RGS6: variants seen among roughly 807,000 people sequenced by gnomAD.
RGS6 encodes the protein regulator of G protein signaling 6, also known as regulator of G-protein signaling 6.
Under a neutral mutation model 78.5 loss-of-function variants are expected in RGS6, and 30 were observed. The ratio of observed to expected loss-of-function variants is 0.38; its 90% CI spans 0.29 to 0.52. The LOEUF (loss-of-function observed/expected upper bound fraction) is 0.52. Ranked by LOEUF, RGS6 falls within the 20% of genes least tolerant of loss-of-function variation. RGS6 has a pLI of 0.85. For missense variants in RGS6, 495 were observed against 609.7 expected (o/e 0.81, Z 1.98); for synonymous variants, 206 against 206.0 (o/e 1.00, Z 0.00).
At chr14:72,077,661 G>C (rs1398531432) in intron 2 of RGS6, among the ~76,000 whole-genome samples, 1 of 151,846 alleles carries the variant, frequency 6.6e-6, no homozygotes. Context: ...TTACTGTCTT[G>C]ACTACTGCAG....
chr14:72,459,546 G>T (rs762829607), intron 5 of RGS6, 86 bp from the exon 6 acceptor site: 2 of 1,237,624 alleles, frequency 1.6e-6, no homozygotes, highest in Non-Finnish European at 2.4e-6. Context: ...GGGAGAGCCT[G>T]CCATCAGGGA....
chr14:72,478,154 C>A, intron 11 of RGS6, 114 bp from the exon 12 acceptor site: 1 of 715,794 alleles, frequency 1.4e-6, no homozygotes, highest in South Asian at 1.7e-5. Context: ...TTGGAGATGT[C>A]TGGCCAGAGG....
intron 2 of RGS6, among the ~76,000 whole-genome samples, chr14:72,308,252 C>CTGTAG (rs1366165148): frequency 4.6e-5 from 7 of 152,186 alleles, no homozygotes; most frequent in Non-Finnish European, 8.8e-5. Context: ...AAAAATGCTT[C>CTGTAG]TGTAGTTCCC....
chr14:72,052,961 C>CTTTA (rs1409160249), intron 2 of RGS6, among the ~76,000 whole-genome samples: 1 of 42,622 alleles, frequency 2.3e-5, no homozygotes, highest in Admixed American at 2.8e-4. Context: ...TTCTTTCTTT[C>CTTTA]TTTCTTTCTT....
At chr14:72,160,024 A>G (rs1024799715) in intron 2 of RGS6, among the ~76,000 whole-genome samples, 18 of 152,230 alleles carry the variant, frequency 1.2e-4, no homozygotes, top group African/African-American at 3.9e-4. Context: ...TCTTTTACCG[A>G]TTAGATTGTG....
intron 2 of RGS6, among the ~76,000 whole-genome samples, chr14:72,271,727 T>C (rs1189596922): frequency 2.0e-5 from 3 of 152,234 alleles, no homozygotes; most frequent in Non-Finnish European, 4.4e-5. Flanking sequence ...CCCACAGTTC[T>C]GAAGTCAGAA....
At chr14:72,098,784 A>G (rs898518157) in intron 2 of RGS6, among the ~76,000 whole-genome samples, 3 of 152,140 alleles carry the variant, frequency 2.0e-5, no homozygotes, top group East Asian at 3.9e-4. Context: ...ATGGTACTGC[A>G]TGTTCTCCTC....
At chr14:72,619,482 C>T in the RGS6 span, 1 of 1,214,792 alleles carries the variant, frequency 8.2e-7, no homozygotes, top group Non-Finnish European at 1.1e-6. Flanking sequence ...AATGCAGAAA[C>T]CAAGTCCCAG....
chr14:72,204,963 G>T (rs1279099618), intron 2 of RGS6, among the ~76,000 whole-genome samples: 6 of 152,192 alleles, frequency 3.9e-5, no homozygotes, highest in Non-Finnish European at 7.3e-5. Context: ...TCCAGGCAGG[G>T]TTTTCCTGCA....
At chr14:72,020,189 T>C in intron 2 of RGS6, among the ~76,000 whole-genome samples, 1 of 152,242 alleles carries the variant, frequency 6.6e-6, no homozygotes, top group Non-Finnish European at 1.5e-5. Flanking sequence ...TAGCTTGATG[T>C]TTGGTCTCCC....
chr14:72,001,895 C>CTTTTTTTTTTTTTTTTTT (rs59274317), intron 2 of RGS6, among the ~76,000 whole-genome samples: 5 of 92,530 alleles, frequency 5.4e-5, no homozygotes, highest in African/African-American at 1.8e-4. Flanking sequence ...ATCCATTAAT[C>CTTTTTTTTTTTTTTTTTT]TTTTTTTTTT....
chr14:72,205,876 T>C (rs2153746395), intron 2 of RGS6, among the ~76,000 whole-genome samples: 1 of 152,334 alleles, frequency 6.6e-6, no homozygotes, highest in African/African-American at 2.4e-5. Context: ...TCAGGGTTGA[T>C]GAGAATATGG....
intron 3 of RGS6, among the ~76,000 whole-genome samples, chr14:72,352,409 A>C (rs935820520): frequency 5.3e-5 from 8 of 152,224 alleles, no homozygotes; most frequent in Admixed American, 2.6e-4. Flanking sequence ...CAGCCCTTCA[A>C]GTGCATGTAG....
At position 72,207,191 on chromosome 14, in the gene RGS6, T is replaced by C. The variant is rs575613373; in HGVS notation, c.85-144904T>C. On this transcript the variant is annotated intron_variant, in intron 2 of 17. Transcript: ENST00000553525. ...CATACCTTTTTCTATAGATGTATTG[T>C]TTGTTTTTAAAAAATGTAATTTTTC... Among the ~76,000 whole-genome samples the C allele has an allele frequency of 9.1e-4, 139 of 152,350 alleles. 1 individual carries two copies. The highest frequency in any genetic ancestry group is 3.3e-3 in the African/African-American group (136 of 41,582).
rs147796675 is a variant in RGS6, at chr14:72,386,355, C to T, written c.184+34161C>T. 1.8e-3 allele frequency among the ~76,000 whole-genome samples: 278 copies of T among 152,116 alleles called. 2 individuals are homozygous for T. Among genetic ancestry groups the T allele is most frequent in the African/African-American group, 6.3e-3 (260 of 41,488 alleles). On this transcript the variant is annotated intron_variant, in intron 3 of 17. Coordinates refer to ENST00000553525, the MANE Select transcript of RGS6 (RefSeq NM_001204424.2). ...GAGTTCGAGACCAGCCTGGACAACA[C>T]GGTGAAACCCTCTCTCTACTAAAAT...
At chr14:72,309,448 G>C (rs568330122) in intron 2 of RGS6, among the ~76,000 whole-genome samples, 6 of 152,292 alleles carry the variant, frequency 3.9e-5, no homozygotes, top group African/African-American at 1.2e-4. Flanking sequence ...TGAGTGAGTG[G>C]ATACATATGT....
chr14:71,896,458 G>A, the RGS6 span, among the ~76,000 whole-genome samples: 3 of 152,102 alleles, frequency 2.0e-5, no homozygotes, highest in Non-Finnish European at 4.4e-5. Context: ...AGTCACTCTC[G>A]TCACCATCTT....
In RGS6 at chr14:72,041,315, A is replaced by G. The variant is rs917793236; in HGVS notation, c.84+76440A>G. Among the ~76,000 whole-genome samples the G allele has an allele frequency of 3.3e-5, 5 of 152,286 alleles. 1 individual carries two copies. In the East Asian group the frequency reaches 9.6e-4, roughly 29 times the overall value. On this transcript the variant is annotated intron_variant, in intron 2 of 17. Coordinates refer to ENST00000553525, the MANE Select transcript of RGS6 (RefSeq NM_001204424.2). ...GGAGATGTGTCTTGTCTGGGCTTGC[A>G]TGTAATTTCCCAATTAGAGAAGTTT... is the stretch of plus-strand genomic sequence containing the variant.
chr14:72,384,886 G>C (rs2087378816), intron 3 of RGS6, among the ~76,000 whole-genome samples: 1 of 152,182 alleles, frequency 6.6e-6, no homozygotes. Context: ...GACTAGCTGG[G>C]ATTACAGGCT....
Sources: gnomAD v4.1 joint callset for allele counts (sites outside exome capture counted in the v4.1 genomes callset) on GRCh38, gnomAD v4.1.1 for gene constraint, MANE v1.5 for transcripts, NCBI Gene and HGNC (gene_info 2026-07-23, HGNC 2026-07-21) for gene names.